Variants in MACROD2 observed in about 807,000 individuals in gnomAD.
MACROD2 encodes mono-ADP ribosylhydrolase 2.
A neutral mutation model predicts 70.4 loss-of-function variants in MACROD2; 36 were observed. That is an observed-to-expected ratio of 0.51 (90% CI 0.39 to 0.68). The LOEUF is 0.68. MACROD2 is among the 30% of genes least tolerant of loss of function. The pLI is 0.00. For missense variants in MACROD2, 496 were observed against 538.4 expected (o/e 0.92, Z 0.78); for synonymous variants, 172 against 178.8 (o/e 0.96, Z 0.30).
At chr20:16,045,892 T>C (rs1201404732) in intron 17 of MACROD2, among the ~76,000 whole-genome samples, 1 of 152,026 alleles carries the variant, frequency 6.6e-6, no homozygotes, top group Non-Finnish European at 1.5e-5. Context: ...TGGTCTATAA[T>C]CCTCTTCCAT....
At position 15,255,629 on chromosome 20, in the gene MACROD2, G is replaced by T. The variant is rs549744146; in HGVS notation, c.540+25568G>T. 2.0e-5 allele frequency among the ~76,000 whole-genome samples: 3 copies of T among 152,248 alleles called. No homozygotes were observed. In the South Asian group the frequency reaches 6.2e-4, roughly 32 times the overall value. ...GGCACAGTGAGGTGAAAGATTTAAAGCAAGTGTTGATGATCAAGTCATTGG... is the reference window on the plus strand; with the variant it reads ...GGCACAGTGAGGTGAAAGATTTAAATCAAGTGTTGATGATCAAGTCATTGG... On this transcript the variant is annotated intron_variant, in intron 6 of 17. Coordinates refer to ENST00000684519, the MANE Select transcript of MACROD2 (RefSeq NM_001351661.2).
intron 7 of MACROD2, among the ~76,000 whole-genome samples, chr20:15,474,014 G>A (rs2046991426): frequency 6.6e-6 from 1 of 152,172 alleles, no homozygotes; most frequent in African/African-American, 2.4e-5. Context: ...TGTGAGTCTA[G>A]GCAAACTCAT....
intron 5 of MACROD2, among the ~76,000 whole-genome samples, chr20:14,815,146 A>G (rs2072759666): frequency 6.6e-6 from 1 of 152,078 alleles, no homozygotes; most frequent in African/African-American, 2.4e-5. Flanking sequence ...ACATATTTTA[A>G]TCTGTTACCC....
chr20:16,035,148 TATAAAA>T (rs1568726044), intron 15 of MACROD2, among the ~76,000 whole-genome samples: 1 of 94,328 alleles, frequency 1.1e-5, no homozygotes, highest in East Asian at 2.9e-4. Context: ...ATATATTATA[TATAAAA>T]TATAATATAA....
intron 2 of MACROD2, among the ~76,000 whole-genome samples, chr20:14,073,497 A>G (rs1022840479): frequency 2.6e-5 from 4 of 152,216 alleles, no homozygotes; most frequent in Non-Finnish European, 4.4e-5. Flanking sequence ...AAATAAATAT[A>G]AATTGTCCTC....
At chr20:14,941,792 T>C (rs2074392112) in intron 5 of MACROD2, among the ~76,000 whole-genome samples, 1 of 151,794 alleles carries the variant, frequency 6.6e-6, no homozygotes, top group Non-Finnish European at 1.5e-5. Context: ...CTTTTTTTTT[T>C]CTTTTTTGTT....
At chr20:14,026,961 C>G (rs2053176387) in intron 2 of MACROD2, among the ~76,000 whole-genome samples, 1 of 152,226 alleles carries the variant, frequency 6.6e-6, no homozygotes, top group Non-Finnish European at 1.5e-5. Flanking sequence ...AAGGGACAGA[C>G]TGCCTCCTCA....
At chr20:15,993,481 T>A (rs2066587105) in intron 15 of MACROD2, among the ~76,000 whole-genome samples, 1 of 152,144 alleles carries the variant, frequency 6.6e-6, no homozygotes, top group African/African-American at 2.4e-5. Flanking sequence ...CTAAGAGCAA[T>A]AGACTACACC....
At chr20:14,875,403 G>T (rs1287105699) in intron 5 of MACROD2, among the ~76,000 whole-genome samples, 4 of 151,918 alleles carry the variant, frequency 2.6e-5, no homozygotes, top group African/African-American at 9.7e-5. Context: ...AAGACTATTT[G>T]GGAATTTGTT....
At chr20:15,652,160 A>G (rs2049654799) in intron 8 of MACROD2, among the ~76,000 whole-genome samples, 1 of 151,992 alleles carries the variant, frequency 6.6e-6, no homozygotes. Context: ...TTGATCACAT[A>G]CTCCATGATT....
intron 4 of MACROD2, among the ~76,000 whole-genome samples, chr20:14,644,912 G>A (rs111479632): frequency 0.023 from 3,567 of 152,194 alleles, 61 homozygotes; most frequent in Admixed American, 0.036. Flanking sequence ...GGCATGGAAG[G>A]GAGTGTAGGC....
At chr20:14,260,582 CATG>C (rs2082093442) in intron 3 of MACROD2, among the ~76,000 whole-genome samples, 1 of 152,102 alleles carries the variant, frequency 6.6e-6, no homozygotes, top group Non-Finnish European at 1.5e-5. Flanking sequence ...GGATTACAGG[CATG>C]AGCCACCACA....
At chr20:15,687,360 A>T (rs1265548398) in intron 8 of MACROD2, among the ~76,000 whole-genome samples, 1 of 152,034 alleles carries the variant, frequency 6.6e-6, no homozygotes, top group Non-Finnish European at 1.5e-5. Flanking sequence ...AAATGATAGC[A>T]GCTGCTGCTG....
At chr20:14,815,208 T>C (rs1019264727) in intron 5 of MACROD2, among the ~76,000 whole-genome samples, 5 of 152,154 alleles carry the variant, frequency 3.3e-5, no homozygotes, top group Non-Finnish European at 7.4e-5. Context: ...CCTAGAAAGA[T>C]GTGGTTTCCT....
intron 7 of MACROD2, among the ~76,000 whole-genome samples, chr20:15,476,595 T>C (rs907059334): frequency 6.6e-6 from 1 of 151,398 alleles, no homozygotes; most frequent in African/African-American, 2.4e-5. Flanking sequence ...GTCTGTCAAC[T>C]GAGCACAGTG....
intron 5 of MACROD2, among the ~76,000 whole-genome samples, chr20:15,114,770 A>G (rs2075980306): frequency 6.6e-6 from 1 of 152,060 alleles, no homozygotes; most frequent in Non-Finnish European, 1.5e-5. Context: ...TGTTCCTTTC[A>G]TTTTTATTTT....
rs188768830 is a variant in MACROD2 at position 15,895,885 on chromosome 20, T to G, written c.775+10074T>G. Among the ~76,000 whole-genome samples, 14 of 152,310 alleles carry G rather than the reference T, an allele frequency of 9.2e-5. No homozygotes were observed. The East Asian group carries it at 2.5e-3, about 27-fold the overall frequency. Reference sequence around the variant, plus strand: ...CACATGGTTCATTCTCAGGATATGGTTAAGTGATTGCTATCAGCTGGGTTT... The same window carrying G: ...CACATGGTTCATTCTCAGGATATGGGTAAGTGATTGCTATCAGCTGGGTTT... On this transcript the variant is annotated intron_variant, in intron 10 of 17. Transcript: ENST00000684519.
intron 8 of MACROD2, among the ~76,000 whole-genome samples, chr20:15,733,975 A>G (rs1389446561): frequency 6.6e-6 from 1 of 152,152 alleles, no homozygotes; most frequent in East Asian, 1.9e-4. Flanking sequence ...TGCAAGAACC[A>G]AGAATTATGT....
intron 3 of MACROD2, among the ~76,000 whole-genome samples, chr20:14,303,894 G>C (rs1258666109): frequency 6.6e-6 from 1 of 152,086 alleles, no homozygotes; most frequent in East Asian, 1.9e-4. Context: ...TTGTGTCATG[G>C]TATCTTCTAT....
Sources: allele counts gnomAD v4.1 joint callset (sites outside exome capture counted in the v4.1 genomes callset), GRCh38; gene constraint gnomAD v4.1.1; transcripts MANE v1.5; gene names NCBI Gene and HGNC (gene_info 2026-07-23, HGNC 2026-07-21).